The following LMOD3 variants were observed in gnomAD, a reference collection of about 807,000 sequenced individuals.
LMOD3 encodes the protein leiomodin 3.
Under a neutral mutation model 41.8 loss-of-function variants are expected in LMOD3, and 31 were observed. That is an observed-to-expected ratio of 0.74 (90% CI 0.56 to 1.00). The LOEUF is 1.00. LMOD3 is among the 50% of genes least tolerant of loss of function. The pLI, the probability that LMOD3 is intolerant of heterozygous loss-of-function variation, is 0.00. For missense variants in LMOD3, 755 were observed against 679.5 expected (o/e 1.11, Z -1.23); for synonymous variants, 292 against 241.9 (o/e 1.21, Z -1.92).
At chr3:69,112,934 AG>A (rs1322993043) in intron 2 of LMOD3, among the ~76,000 whole-genome samples, 1 of 152,224 alleles carries the variant, frequency 6.6e-6, no homozygotes. Flanking sequence ...TACACATCAA[AG>A]GCAAGCAATT....
intron 2 of LMOD3, among the ~76,000 whole-genome samples, chr3:69,114,748 C>A (rs1006227452): frequency 1.3e-5 from 2 of 152,202 alleles, no homozygotes; most frequent in African/African-American, 2.4e-5. Flanking sequence ...CTCAAGTGAT[C>A]GACCTCCCAA....
rs979629230 is a variant in LMOD3 at position 69,122,515 on chromosome 3, T to A, written c.-129A>T. 57 of 579,510 alleles carry A rather than the reference T, an allele frequency of 9.8e-5. No individual in the cohort carries two copies. The highest frequency in any genetic ancestry group is 5.0e-4 in the Middle Eastern group (1 of 2,010). The allele number at this position is 579,510 out of a possible 1,614,324, so 35.9% of individuals were successfully genotyped here. ...CCAAGTTAACACACCCTTGAGATAT[T>A]TTTTTTTTTTTCCCAGGAACCTCAG... On this transcript the variant is annotated 5_prime_UTR_variant, in exon 1 of 3. Transcript: ENST00000420581.
chr3:69,117,216 G>A (rs952279108), intron 2 of LMOD3, among the ~76,000 whole-genome samples: 2 of 152,180 alleles, frequency 1.3e-5, no homozygotes, highest in African/African-American at 4.8e-5. Flanking sequence ...AAGAATCAGA[G>A]CCTCTCTAAA....
intron 2 of LMOD3, among the ~76,000 whole-genome samples, chr3:69,109,522 T>TC (rs1404340415): frequency 7.6e-6 from 1 of 131,138 alleles, no homozygotes; most frequent in Admixed American, 7.5e-5. Context: ...TGTTAACACT[T>TC]TTTTTTTTTT....
chr3:69,122,543 G>T lies in LMOD3; in HGVS notation c.-157C>A. The T allele has an allele frequency of 1.6e-6, 1 of 610,662 alleles. No individual in the cohort carries two copies. Among genetic ancestry groups the T allele is most frequent in the Non-Finnish European group, 2.8e-6 (1 of 354,110 alleles). The allele number at this position is 610,662 out of a possible 1,614,324, so 37.8% of individuals were successfully genotyped here. On this transcript the variant is annotated 5_prime_UTR_variant, in exon 1 of 3. Coordinates refer to ENST00000420581, the MANE Select transcript of LMOD3 (RefSeq NM_198271.5). ...TTTTTTTTTCCCAGGAACCTCAGTG[G>T]TTTGCTGAGCAGCTAGGAGTGATCA...
At chr3:69,117,987 A>G (rs1256924094) in intron 2 of LMOD3, among the ~76,000 whole-genome samples, 3 of 152,158 alleles carry the variant, frequency 2.0e-5, no homozygotes, top group Non-Finnish European at 4.4e-5. Context: ...GCCCGCCACC[A>G]TGCCCAGATA....
chr3:69,122,232 AT>A lies in LMOD3; in HGVS notation c.154del (p.Met52Ter), dbSNP rs1369933918. 6 of 1,613,540 alleles carry A rather than the reference AT, an allele frequency of 3.7e-6. No individual in the cohort carries two copies. The highest frequency in any genetic ancestry group is 1.7e-5 in the Admixed American group (1 of 59,952). ...CTTGTCAGTTTGATCTTTCTGAATC[AT>A]TCCCACGGGAAGGCTGGGGTCAGGG... ...MAPDPSLPVG[M>X]IQKDQTDKPP... On this transcript the variant is annotated frameshift_variant, in exon 1 of 3. Coordinates refer to ENST00000420581, the MANE Select transcript of LMOD3 (RefSeq NM_198271.5). LOFTEE classifies it high-confidence loss of function.
chr3:69,116,667 G>A (rs955345198), intron 2 of LMOD3, among the ~76,000 whole-genome samples: 4 of 152,186 alleles, frequency 2.6e-5, no homozygotes, highest in Non-Finnish European at 5.9e-5. Context: ...AAAAGGCAGA[G>A]GGGTGAAAAA....
Position 69,119,671 on chromosome 3 carries a change from CA to C in LMOD3, c.683del (p.Leu228Ter). The part of the protein sequence containing the change: ...PKKLALDTSF[L>X]KVSTRPSGNQ... ...TTCCTGAAGGCCTTGTACTTACCTT[CA>C]AAAAGCTGGTGTCTAGAGCTAACTT... On this transcript the variant is annotated frameshift_variant, in exon 2 of 3. Coordinates refer to ENST00000420581, the MANE Select transcript of LMOD3 (RefSeq NM_198271.5). LOFTEE classifies it high-confidence loss of function. The C allele has an allele frequency of 6.2e-7, 1 of 1,613,936 alleles. No individual in the cohort carries two copies. Among genetic ancestry groups the C allele is most frequent in the Non-Finnish European group, 8.5e-7 (1 of 1,179,862 alleles).
rs189230380 is a variant in LMOD3, at chr3:69,122,407, T to G, written c.-21A>C. On this transcript the variant is annotated 5_prime_UTR_variant, in exon 1 of 3. Transcript: ENST00000420581. ...GACATTATTTTTTCTAAATATTATT[T>G]TACTAGAAAAGAAGAATAATCAAAG... 23 of 1,471,510 alleles carry G rather than the reference T, an allele frequency of 1.6e-5. No individual in the cohort carries two copies. The Admixed American group carries it at 4.2e-4, about 27-fold the overall frequency. The allele number at this position is 1,471,510 out of a possible 1,614,324, so 91.2% of individuals were successfully genotyped here.
At chr3:69,109,283 C>T (rs2107519809) in intron 2 of LMOD3, among the ~76,000 whole-genome samples, 162 bp from the exon 3 acceptor site, 1 of 152,276 alleles carries the variant, frequency 6.6e-6, no homozygotes, top group South Asian at 2.1e-4. Flanking sequence ...ATCATAACCA[C>T]AGCCACCATT....
chr3:69,110,134 T>C (rs915501805), intron 2 of LMOD3, among the ~76,000 whole-genome samples: 1 of 152,152 alleles, frequency 6.6e-6, no homozygotes, highest in Non-Finnish European at 1.5e-5. Context: ...CCTGTAATCC[T>C]GGCTACTCAG....
chr3:69,113,648 A>G (rs956746040), intron 2 of LMOD3, among the ~76,000 whole-genome samples: 3 of 152,242 alleles, frequency 2.0e-5, no homozygotes, highest in Non-Finnish European at 4.4e-5. Flanking sequence ...GTCCAGATAT[A>G]CATGAGTAAG....
intron 2 of LMOD3, among the ~76,000 whole-genome samples, chr3:69,111,653 G>A (rs770797154): frequency 1.2e-4 from 18 of 152,182 alleles, no homozygotes; most frequent in Non-Finnish European, 2.5e-4. Context: ...ATAACTCAAA[G>A]CAGCCAGGCC....
At chr3:69,109,161 C>G in intron 2 of LMOD3, 40 bp from the exon 3 acceptor site, 1 of 1,582,662 alleles carries the variant, frequency 6.3e-7, no homozygotes, top group Non-Finnish European at 8.6e-7. Flanking sequence ...GAAATTAATC[C>G]TGGAAATTTA....
chr3:69,108,018 G>A lies in LMOD3; in HGVS notation c.*1077C>T, dbSNP rs567835584. ...GGAAGTCTCTTGGAAGGATTAATGC[G>A]AGCAAAGGCACAAGGGTGTGCACAA... On this transcript the variant is annotated 3_prime_UTR_variant, in exon 3 of 3. Coordinates refer to ENST00000420581, the MANE Select transcript of LMOD3 (RefSeq NM_198271.5). 1.3e-5 allele frequency: 2 copies of A among 152,124 alleles called. No individual in the cohort carries two copies. The highest frequency in any genetic ancestry group is 4.8e-5 in the African/African-American group (2 of 41,436). 9.4% of individuals were successfully genotyped at this position (152,124 alleles called of 1,614,324 possible). A position where few individuals can be genotyped will look rare whatever the true frequency, so the allele number is the denominator to read the frequency against.
chr3:69,118,887 G>T lies in LMOD3; in HGVS notation c.1468C>A (p.Leu490Met), dbSNP rs375665119. The T allele has an allele frequency of 3.7e-6, 6 of 1,611,258 alleles. No homozygotes were observed. In the African/African-American group the frequency reaches 6.8e-5, roughly 18 times the overall value. Residue 490 changes from leucine to methionine, a missense_variant, in exon 2 of 3, where the codon CTG becomes ATG. Physicochemically the swap from Leu to Met is conservative, Grantham distance 15 (BLOSUM62 2). Coordinates refer to ENST00000420581, the MANE Select transcript of LMOD3 (RefSeq NM_198271.5). Reference sequence around the variant, plus strand: ...CGAGATTTGCGCTGGATTCTCTTCAGCTTCACCACCCGGAAGGAGTCAGGG... The same window carrying T: ...CGAGATTTGCGCTGGATTCTCTTCATCTTCACCACCCGGAAGGAGTCAGGG... Reference protein sequence around the residue: ...TDPDSFRVVKLKRIQRKSRMP... With the variant: ...TDPDSFRVVKMKRIQRKSRMP...
chr3:69,120,074 T>G lies in LMOD3; in HGVS notation c.295-14A>C. 1 of 1,581,770 alleles carries G rather than the reference T, an allele frequency of 6.3e-7. No homozygotes were observed. Among genetic ancestry groups the G allele is most frequent in the Non-Finnish European group, 8.5e-7 (1 of 1,171,050 alleles). On this transcript the variant is annotated splice_polypyrimidine_tract_variant and intron_variant, in intron 1 of 2. Coordinates refer to ENST00000420581, the MANE Select transcript of LMOD3 (RefSeq NM_198271.5). ...TTGAGTCTTTTCCTACAAGAGAGGT[T>G]TATGAGGGTTAGAATACATAGCAGA...
chr3:69,106,860 A>ATTTTTTTTTT lies in LMOD3; in HGVS notation c.*2225_*2234dup, dbSNP rs1190777851. 3 of 50,714 alleles carry ATTTTTTTTTT rather than the reference A, an allele frequency of 5.9e-5. No homozygotes were observed. The highest frequency in any genetic ancestry group is 1.5e-4 in the African/African-American group (2 of 13,658). The allele number at this position is 50,714 out of a possible 1,614,324, so 3.1% of individuals were successfully genotyped here. A position where few individuals can be genotyped will look rare whatever the true frequency, so the allele number is the denominator to read the frequency against. The stretch of plus-strand genomic sequence containing the variant: ...AGCTACCATGCCTGGCTAATTTTGT[A>ATTTTTTTTTT]TTTTTTTTTTTTTTTTTTTTTTTTT... On this transcript the variant is annotated 3_prime_UTR_variant, in exon 3 of 3. Coordinates refer to ENST00000420581, the MANE Select transcript of LMOD3 (RefSeq NM_198271.5).
Sources: allele counts gnomAD v4.1 joint callset (sites outside exome capture counted in the v4.1 genomes callset), GRCh38; gene constraint gnomAD v4.1.1; transcripts MANE v1.5; gene names NCBI Gene and HGNC (gene_info 2026-07-23, HGNC 2026-07-21).